Variants in METTL25 observed in about 807,000 individuals in gnomAD.
METTL25 encodes the protein probable methyltransferase-like protein 25.
A neutral mutation model predicts 71.6 loss-of-function variants in METTL25; 64 were observed. The observed-to-expected ratio is 0.89, with a 90% CI of 0.73 to 1.10. The LOEUF is 1.10. METTL25 is among the 50% of genes least tolerant of loss of function. The pLI is 0.00. For synonymous variants in METTL25, 287 were observed against 250.3 expected (o/e 1.15, Z -1.38); for missense variants, 807 against 707.0 (o/e 1.14, Z -1.60).
chr12:82,451,549 T>G (rs1235725730), intron 8 of METTL25, among the ~76,000 whole-genome samples: 1 of 152,190 alleles, frequency 6.6e-6, no homozygotes, highest in Admixed American at 6.6e-5. Context: ...TTTATTATTA[T>G]TAGAAGAAAT....
At chr12:82,459,327 C>A (rs1891702805) in intron 9 of METTL25, among the ~76,000 whole-genome samples, 1 of 152,066 alleles carries the variant, frequency 6.6e-6, no homozygotes, top group Admixed American at 6.6e-5. Context: ...TGCTAAAGAT[C>A]AAAAAATACT....
chr12:82,358,889 G>A (rs776441252), intron 1 of METTL25, 65 bp downstream of exon 1: 1 of 1,534,226 alleles, frequency 6.5e-7, no homozygotes. Context: ...GACGAAGCGA[G>A]CCCCCTGGTG....
At chr12:82,386,058 G>T (rs4561274) in intron 1 of METTL25, among the ~76,000 whole-genome samples, 102,979 of 152,018 alleles carry the variant, frequency 0.68, 36,090 homozygotes, top group East Asian at 0.82. Flanking sequence ...TGAGTATTTG[G>T]AAACTGCTGA....
At chr12:82,414,902 G>T (rs1887845782) in intron 5 of METTL25, among the ~76,000 whole-genome samples, 1 of 151,996 alleles carries the variant, frequency 6.6e-6, no homozygotes, top group Admixed American at 6.6e-5. Context: ...TCATCCATCT[G>T]ACACAATGTG....
At chr12:82,472,655 T>C (rs1372928111) in intron 9 of METTL25, among the ~76,000 whole-genome samples, 1 of 152,012 alleles carries the variant, frequency 6.6e-6, no homozygotes, top group African/African-American at 2.4e-5. Flanking sequence ...TTGTATTTTT[T>C]ATTTCATTCC....
chr12:82,359,772 A>G (rs1881568175), intron 1 of METTL25, among the ~76,000 whole-genome samples: 1 of 152,246 alleles, frequency 6.6e-6, no homozygotes, highest in Non-Finnish European at 1.5e-5. Flanking sequence ...GATGGACACC[A>G]ACAGGCTTCT....
chr12:82,384,112 C>T (rs113433624), intron 1 of METTL25, among the ~76,000 whole-genome samples: 2,178 of 152,132 alleles, frequency 0.014, 47 homozygotes, highest in African/African-American at 0.05. Context: ...GAGATGTAGG[C>T]CAAACAATCA....
intron 8 of METTL25, among the ~76,000 whole-genome samples, chr12:82,442,908 A>G (rs1413403466): frequency 6.6e-6 from 1 of 152,118 alleles, no homozygotes; most frequent in African/African-American, 2.4e-5. Flanking sequence ...ACTAAAATCA[A>G]GAAATTTATG....
rs918679893 is a variant in METTL25, at chr12:82,404,307, T to C, written c.1279+1177T>C. 5.9e-5 allele frequency among the ~76,000 whole-genome samples: 9 copies of C among 152,100 alleles called. No individual in the cohort carries two copies. In the South Asian group the frequency reaches 1.2e-3, roughly 21 times the overall value. On this transcript the variant is annotated intron_variant, in intron 5 of 11. Transcript: ENST00000248306. ...TTGTCATGCTATTATTACCAACTCA[T>C]TTTTTTCTAAGTACAGAAATTTTCA...
intron 10 of METTL25, 87 bp from the exon 11 acceptor site, chr12:82,477,194 C>A: frequency 1.7e-6 from 1 of 605,454 alleles, no homozygotes; most frequent in Non-Finnish European, 2.9e-6. Context: ...TCTGTAGATA[C>A]ATTTATTTAA....
rs753371713 is a variant in METTL25 at position 82,358,801 on chromosome 12, T to C, written c.236T>C (p.Leu79Pro). ...TEALPSETRPLVEAEWEAGMT... is the reference protein window; with the variant it reads ...TEALPSETRPPVEAEWEAGMT... The stretch of plus-strand genomic sequence containing the variant: ...GCCCTGCCCTCAGAGACGCGCCCCC[T>C]AGTGGAAGCAGAGTGGGAAGCAGGT... Residue 79 changes from leucine to proline, a missense_variant, in exon 1 of 12, where the codon CTA becomes CCA. By Grantham distance (98) the Leu-to-Pro change is moderately conservative. Coordinates refer to ENST00000248306, the MANE Select transcript of METTL25 (RefSeq NM_032230.3). 4.3e-6 allele frequency: 7 copies of C among 1,612,206 alleles called. No homozygotes were observed. Among genetic ancestry groups the C allele is most frequent in the Non-Finnish European group, 5.9e-6 (7 of 1,179,222 alleles).
rs1885080996 is a variant in METTL25 at position 82,386,857 on chromosome 12, T to C, written c.314T>C (p.Val105Ala). Residue 105 changes from valine (V) to alanine (A), a missense_variant, in exon 2 of 12, where the codon GTG (valine) becomes GCG (alanine). By Grantham distance (64) the Val-to-Ala change is moderately conservative. Transcript: ENST00000248306. ...FCETSQKLVS[V>A]EAFALAAKYY... ...GAAACTTCTCAGAAGTTGGTGAGTG[T>C]GGAAGCCTTTGCTCTGGCTGCGAAA... is the stretch of plus-strand genomic sequence containing the variant. The C allele has an allele frequency of 3.7e-6, 6 of 1,613,550 alleles. No individual in the cohort carries two copies. In the East Asian group the frequency reaches 1.3e-4, roughly 36 times the overall value.
In METTL25 at chr12:82,358,617, G is replaced by A. The variant is rs1310856151; in HGVS notation, c.52G>A (p.Ala18Thr). The A allele has an allele frequency of 6.2e-7, 1 of 1,613,816 alleles. No individual in the cohort carries two copies. Among genetic ancestry groups the A allele is most frequent in the Non-Finnish European group, 8.5e-7 (1 of 1,180,038 alleles). ...GACCCCGGACCTGCCCACGCTGCGTGCCAAGTTGCAGGGACTGCTGCAGTT... is the reference window on the plus strand; with the variant it reads ...GACCCCGGACCTGCCCACGCTGCGTACCAAGTTGCAGGGACTGCTGCAGTT... ...PVTPDLPTLR[A>T]KLQGLLQFLR... The change falls in exon 1 of 12, where the codon GCC becomes ACC. Residue 18 changes from alanine to threonine, a missense_variant. Coordinates refer to ENST00000248306, the MANE Select transcript of METTL25 (RefSeq NM_032230.3).
chr12:82,386,729 T>G, intron 1 of METTL25, 74 bp from the exon 2 acceptor site: 8 of 1,224,240 alleles, frequency 6.5e-6, no homozygotes, highest in Non-Finnish European at 9.3e-6. Context: ...TAAGTGTTCA[T>G]TTGTTGTTTA....
intron 8 of METTL25, among the ~76,000 whole-genome samples, chr12:82,450,499 C>G (rs1237261646): frequency 6.6e-6 from 1 of 152,122 alleles, no homozygotes; most frequent in Non-Finnish European, 1.5e-5. Context: ...TAGTTGGTCT[C>G]TCTCTTCTAC....
chr12:82,469,002 A>G (rs370105574), intron 9 of METTL25: 3 of 152,232 alleles, frequency 2.0e-5, no homozygotes, highest in East Asian at 3.9e-4. Context: ...ATTACAAACA[A>G]GGACAAAACC....
chr12:82,460,901 T>C (rs1032870210), intron 9 of METTL25, among the ~76,000 whole-genome samples: 59 of 152,204 alleles, frequency 3.9e-4, no homozygotes, highest in Non-Finnish European at 8.8e-5. Flanking sequence ...CCCAGCACTT[T>C]GGGAGGCCAA....
intron 1 of METTL25, among the ~76,000 whole-genome samples, chr12:82,379,277 G>A (rs1884192626): frequency 6.6e-6 from 1 of 152,012 alleles, no homozygotes; most frequent in African/African-American, 2.4e-5. Flanking sequence ...AAAAAGAGAA[G>A]AACAGAGGTT....
intron 9 of METTL25, among the ~76,000 whole-genome samples, chr12:82,472,752 T>G (rs958065609): frequency 1.3e-5 from 2 of 152,212 alleles, no homozygotes; most frequent in Non-Finnish European, 2.9e-5. Flanking sequence ...TTGACTTATC[T>G]ATTTGTACTG....
Sources: gnomAD v4.1 joint callset for allele counts (sites outside exome capture counted in the v4.1 genomes callset) on GRCh38, gnomAD v4.1.1 for gene constraint, MANE v1.5 for transcripts, NCBI Gene and HGNC (gene_info 2026-07-23, HGNC 2026-07-21) for gene names.